Variants in CHST15 observed in about 807,000 individuals in gnomAD.
CHST15 encodes carbohydrate sulfotransferase 15, also known as B cell RAG associated protein (GALNAC4S-6ST).
In CHST15, 30 loss-of-function variants were observed where a neutral mutation model predicts 53.6. That is an observed-to-expected ratio of 0.56 (90% CI 0.42 to 0.76). CHST15 has a LOEUF of 0.76. Ranked by LOEUF, CHST15 falls within the 30% of genes least tolerant of loss-of-function variation. The pLI, the probability that CHST15 is intolerant of heterozygous loss-of-function variation, is 0.00. For synonymous variants in CHST15, 296 were observed against 289.8 expected (o/e 1.02, Z -0.22); for missense variants, 627 against 740.5 (o/e 0.85, Z 1.78).
At chr10:124,081,091 T>G (rs1949219337) in intron 1 of CHST15, among the ~76,000 whole-genome samples, 1 of 152,190 alleles carries the variant, frequency 6.6e-6, no homozygotes, top group Admixed American at 6.5e-5. Flanking sequence ...ATTCCACCAC[T>G]GCTACCAAGT....
intron 2 of CHST15, 79 bp downstream of exon 2, chr10:124,045,588 C>G (rs1304192466): frequency 9.5e-6 from 13 of 1,372,042 alleles, no homozygotes; most frequent in African/African-American, 5.8e-5. Context: ...CTTCTGTGTT[C>G]CCAAAGATGG....
chr10:124,022,794 C>T lies in CHST15; in HGVS notation c.1191-1382G>A, dbSNP rs151105148. ...ATTTTCTAGCCACCAACCCCCTCGC[C>T]CTGCTCCTTGGCATTTCTTTTTTTT... is the stretch of plus-strand genomic sequence containing the variant. On this transcript the variant is annotated intron_variant, in intron 5 of 7. Transcript: ENST00000435907. Among the ~76,000 whole-genome samples, 638 of 151,778 alleles carry T rather than the reference C, an allele frequency of 4.2e-3. 8 individuals are homozygous for T. The highest frequency in any genetic ancestry group is 0.015 in the African/African-American group (607 of 41,324).
In CHST15 at chr10:124,074,496, C is replaced by T. The variant is rs940773219; in HGVS notation, c.-513+18973G>A. On this transcript the variant is annotated intron_variant, in intron 1 of 7. Coordinates refer to ENST00000435907, the MANE Select transcript of CHST15 (RefSeq NM_001270764.2). This position sits in a 1 kb window ranked among gnomAD's most constrained non-coding sequence, Gnocchi z 4.4. ...AACAAGGATTCTAGCACATTCTAAG[C>T]CTTAAAATGAGAACTCTGGGTCCAG... is the stretch of plus-strand genomic sequence containing the variant. Among the ~76,000 whole-genome samples, 1 of 152,098 alleles carries T rather than the reference C, an allele frequency of 6.6e-6. No individual in the cohort carries two copies. Among genetic ancestry groups the T allele is most frequent in the Non-Finnish European group, 1.5e-5 (1 of 68,028 alleles).
chr10:124,009,077 C>T lies in CHST15; in HGVS notation c.*1072G>A, dbSNP rs540575016. The T allele has an allele frequency of 4.0e-5, 51 of 1,277,786 alleles. No individual in the cohort carries two copies. Among genetic ancestry groups the T allele is most frequent in the African/African-American group, 7.6e-5 (5 of 65,790 alleles). The allele number at this position is 1,277,786 out of a possible 1,614,324, so 79.2% of individuals were successfully genotyped here. A position where few individuals can be genotyped will look rare whatever the true frequency, so the allele number is the denominator to read the frequency against. ...TGCTGGGTGAGGAACTTTGACCACA[C>T]GCAGTGGAGAATGTGGAAATAAACT... On this transcript the variant is annotated 3_prime_UTR_variant, in exon 8 of 8. Coordinates refer to ENST00000435907, the MANE Select transcript of CHST15 (RefSeq NM_001270764.2).
At chr10:124,023,264 C>G (rs1204300371) in intron 5 of CHST15, among the ~76,000 whole-genome samples, 1 of 152,012 alleles carries the variant, frequency 6.6e-6, no homozygotes, top group African/African-American at 2.4e-5. Flanking sequence ...GTGGGAGGAT[C>G]ACTTGAACCT....
chr10:124,063,358 G>A (rs77109218), intron 1 of CHST15, among the ~76,000 whole-genome samples: 2 of 152,038 alleles, frequency 1.3e-5, no homozygotes, highest in Non-Finnish European at 2.9e-5. Flanking sequence ...ACTCCAGCCT[G>A]GGGGGACAGA....
intron 2 of CHST15, among the ~76,000 whole-genome samples, 193 bp from the exon 3 acceptor site, chr10:124,045,112 CAAAAAAAA>C (rs758243657): frequency 0.039 from 1,293 of 33,562 alleles, 9 homozygotes; most frequent in African/African-American, 0.042. Flanking sequence ...CGCCGCCCCA[CAAAAAAAA>C]AAAAAAAAAA....
intron 4 of CHST15, among the ~76,000 whole-genome samples, chr10:124,040,571 G>T (rs1947695231): frequency 6.6e-6 from 1 of 152,212 alleles, no homozygotes; most frequent in Admixed American, 6.5e-5. Context: ...GATGATGAAA[G>T]ATCCTGCTGT....
intron 1 of CHST15, among the ~76,000 whole-genome samples, chr10:124,086,001 G>C (rs1041292728): frequency 1.3e-5 from 2 of 152,164 alleles, no homozygotes; most frequent in Non-Finnish European, 2.9e-5. Flanking sequence ...AGGCCCTGTG[G>C]GGGGCTGGGA....
intron 5 of CHST15, among the ~76,000 whole-genome samples, chr10:124,022,942 G>A (rs938030338): frequency 6.7e-6 from 1 of 148,826 alleles, no homozygotes; most frequent in Non-Finnish European, 1.5e-5. Context: ...TCAGCCTCCC[G>A]AGTAGTTGGG....
rs144667393 is a variant in CHST15, at chr10:124,048,312, A to G, written c.-512-1588T>C. ...AGAGGAATATAATACACAAAGTTGG[A>G]AGTACCTAATTGGCCAAGGAATCTC... is the stretch of plus-strand genomic sequence containing the variant. On this transcript the variant is annotated intron_variant, in intron 1 of 7. Coordinates refer to ENST00000435907, the MANE Select transcript of CHST15 (RefSeq NM_001270764.2). 8.5e-5 allele frequency among the ~76,000 whole-genome samples: 13 copies of G among 152,348 alleles called. No individual in the cohort carries two copies. In the East Asian group the frequency reaches 2.3e-3, roughly 27 times the overall value.
chr10:124,077,594 C>A (rs1398454053), intron 1 of CHST15, among the ~76,000 whole-genome samples: 1 of 152,246 alleles, frequency 6.6e-6, no homozygotes, highest in Non-Finnish European at 1.5e-5. Context: ...GCCCTCCAAC[C>A]AGTGCCCTGC....
intron 5 of CHST15, among the ~76,000 whole-genome samples, chr10:124,037,953 T>C (rs1947572756): frequency 6.6e-6 from 1 of 152,124 alleles, no homozygotes; most frequent in African/African-American, 2.4e-5. Context: ...TGGTCAGGCC[T>C]GCTGGGGCTG....
chr10:124,086,992 G>T (rs1368214497), intron 1 of CHST15, among the ~76,000 whole-genome samples: 1 of 152,168 alleles, frequency 6.6e-6, no homozygotes, highest in Non-Finnish European at 1.5e-5. Flanking sequence ...AAGAGCTTCC[G>T]TGTCACGGGC....
chr10:124,032,941 A>T (rs1245738453), intron 5 of CHST15, among the ~76,000 whole-genome samples: 1 of 142,394 alleles, frequency 7.0e-6, no homozygotes, highest in Non-Finnish European at 1.5e-5. Context: ...TGTGAACCTA[A>T]AACTAAAAAT....
rs553982493 is a variant in CHST15 at position 124,074,310 on chromosome 10, G to T, written c.-513+19159C>A. ...CAAGAATTTCTCAAATCTCTCAGTA[G>T]AGACAGAAAATCAGCAAGTCCCTGG... On this transcript the variant is annotated intron_variant, in intron 1 of 7. Transcript: ENST00000435907. This position sits in a 1 kb window ranked among gnomAD's most constrained non-coding sequence, Gnocchi z 4.4. Among the ~76,000 whole-genome samples, 3 of 152,260 alleles carry T rather than the reference G, an allele frequency of 2.0e-5. No individual in the cohort carries two copies. Among genetic ancestry groups the T allele is most frequent in the Non-Finnish European group, 2.9e-5 (2 of 68,022 alleles).
rs144796173 is a variant in CHST15 at position 124,044,857 on chromosome 10, C to A, written c.609G>T (p.Glu203Asp). 1.9e-5 allele frequency: 28 copies of A among 1,492,464 alleles called. No individual in the cohort carries two copies. In the South Asian group the frequency reaches 3.6e-4, roughly 19 times the overall value. 92.5% of individuals were successfully genotyped at this position (1,492,464 alleles called of 1,614,324 possible). Residue 203 changes from glutamate to aspartate, a missense_variant, in exon 3 of 8, where the codon GAG becomes GAT. Physicochemically the swap from Glu to Asp is conservative, Grantham distance 45. This residue lies in a region of CHST15 where 161 missense variants were observed against 117.2 expected (regional missense o/e 1.37). Transcript: ENST00000435907. The part of the protein sequence containing the change: ...PNSKSPCWYE[E>D]FSGQNTTDPY... ...GGTCGGTGGTGTTCTGCCCCGAGAA[C>A]TCCTCGTACCAACAGGGGCTCTTAC...
intron 1 of CHST15, among the ~76,000 whole-genome samples, chr10:124,053,767 A>T: frequency 6.6e-6 from 1 of 151,974 alleles, no homozygotes; most frequent in East Asian, 1.9e-4. Flanking sequence ...AAAATACAAA[A>T]ATTAGCTGGG....
intron 6 of CHST15, among the ~76,000 whole-genome samples, chr10:124,015,397 CG>C (rs59993273): frequency 0.3 from 40,712 of 135,882 alleles, 5,679 homozygotes; most frequent in East Asian, 0.39. Flanking sequence ...CAGGGCAGGG[CG>C]GGGGGGGCTA....
Sources: gnomAD v4.1 joint callset for allele counts (sites outside exome capture counted in the v4.1 genomes callset) on GRCh38, gnomAD v4.1.1 for gene constraint, gnomAD v4.1.1 regional missense constraint, Gnocchi (gnomAD v3.1) non-coding constraint, MANE v1.5 for transcripts, NCBI Gene and HGNC (gene_info 2026-07-23, HGNC 2026-07-21) for gene names.